STAG1: variants seen among roughly 807,000 people sequenced by gnomAD.
STAG1 encodes cohesin subunit SA-1.
A neutral mutation model predicts 170.9 loss-of-function variants in STAG1; 26 were observed. The observed-to-expected ratio is 0.15, with a 90% CI of 0.11 to 0.21. The LOEUF (loss-of-function observed/expected upper bound fraction) is 0.21, where lower values mean the gene tolerates loss of function less well. Ranked by LOEUF, STAG1 falls within the 10% of genes least tolerant of loss-of-function variation. STAG1 has a pLI of 1.00. For missense variants in STAG1, 964 were observed against 1,509.5 expected (o/e 0.64, Z 5.99); for synonymous variants, 514 against 497.7 (o/e 1.03, Z -0.44).
At chr3:136,654,487 A>C (rs1941311793) in intron 1 of STAG1, among the ~76,000 whole-genome samples, 1 of 152,234 alleles carries the variant, frequency 6.6e-6, no homozygotes, top group African/African-American at 2.4e-5. Context: ...AATTAAAGAC[A>C]CAAATAAGTA....
intron 6 of STAG1, among the ~76,000 whole-genome samples, 162 bp downstream of exon 6, chr3:136,541,957 G>C (rs1935925214): frequency 6.6e-6 from 1 of 152,008 alleles, no homozygotes; most frequent in Non-Finnish European, 1.5e-5. Context: ...AATCTCCAAA[G>C]ATCATTAATT....
chr3:136,538,413 CTT>C (rs772305467), intron 6 of STAG1, among the ~76,000 whole-genome samples: 1 of 139,046 alleles, frequency 7.2e-6, no homozygotes, highest in Non-Finnish European at 1.6e-5. Flanking sequence ...CATATAGTTA[CTT>C]TTTTTTTTTT....
At chr3:136,652,492 A>G (rs1941251131) in intron 1 of STAG1, among the ~76,000 whole-genome samples, 1 of 152,366 alleles carries the variant, frequency 6.6e-6, no homozygotes, top group Non-Finnish European at 1.5e-5. Context: ...CATAAAGTTC[A>G]GAACACTACA....
At chr3:136,506,956 T>C (rs1411608853) in intron 7 of STAG1, among the ~76,000 whole-genome samples, 1 of 152,218 alleles carries the variant, frequency 6.6e-6, no homozygotes, top group East Asian at 1.9e-4. Context: ...ACAGTGTGTA[T>C]ATGCTATCAT....
intron 12 of STAG1, among the ~76,000 whole-genome samples, chr3:136,465,620 C>A (rs1289221392): frequency 1.5e-5 from 2 of 137,086 alleles, no homozygotes; most frequent in Admixed American, 1.5e-4. Flanking sequence ...AAATTGTTTG[C>A]AGGTTATATA....
intron 5 of STAG1, among the ~76,000 whole-genome samples, chr3:136,563,641 T>G (rs1344000873): frequency 6.8e-6 from 1 of 146,664 alleles, no homozygotes; most frequent in African/African-American, 2.5e-5. Flanking sequence ...ATTCCCTTCT[T>G]TCTTACAAAA....
intron 22 of STAG1, among the ~76,000 whole-genome samples, chr3:136,395,915 CAA>C (rs900912138): frequency 6.6e-6 from 1 of 151,898 alleles, no homozygotes; most frequent in Admixed American, 6.6e-5. Context: ...AATAACATTT[CAA>C]AAAAAGACAA....
At chr3:136,670,931 T>C (rs889156976) in intron 1 of STAG1, among the ~76,000 whole-genome samples, 6 of 152,196 alleles carry the variant, frequency 3.9e-5, no homozygotes, top group Non-Finnish European at 7.3e-5. Flanking sequence ...CATCTGTATA[T>C]GCCAGAAATT....
chr3:136,406,870 T>A (rs1345186981), intron 21 of STAG1, among the ~76,000 whole-genome samples: 1 of 152,182 alleles, frequency 6.6e-6, no homozygotes, highest in East Asian at 1.9e-4. Context: ...AAAGAATGGA[T>A]ACGAAGCAGG....
At chr3:136,364,045 C>T (rs1460376317) in intron 25 of STAG1, among the ~76,000 whole-genome samples, 1 of 151,998 alleles carries the variant, frequency 6.6e-6, no homozygotes, top group Non-Finnish European at 1.5e-5. Flanking sequence ...CAGGCGTGAG[C>T]CACTGCACCT....
At chr3:136,478,643 G>C (rs1028883092) in intron 9 of STAG1, among the ~76,000 whole-genome samples, 1 of 151,992 alleles carries the variant, frequency 6.6e-6, no homozygotes, top group Non-Finnish European at 1.5e-5. Context: ...TTTCTCTTTG[G>C]TGACAAAATT....
At chr3:136,742,546 C>T (rs1934722034) in intron 1 of STAG1, among the ~76,000 whole-genome samples, 1 of 151,740 alleles carries the variant, frequency 6.6e-6, no homozygotes, top group Admixed American at 6.6e-5. Context: ...AACCCCGTCT[C>T]CACTAAAAAA....
chr3:136,588,909 C>T (rs1184041347), intron 4 of STAG1, among the ~76,000 whole-genome samples: 2 of 152,126 alleles, frequency 1.3e-5, no homozygotes, highest in Non-Finnish European at 2.9e-5. Context: ...ACTACAGGCA[C>T]GTGTCACCAC....
rs62857261 is a variant in STAG1 at position 136,619,756 on chromosome 3, C to CAAAAA, written c.132+3385_132+3389dup. On this transcript the variant is annotated intron_variant, in intron 3 of 33. Transcript: ENST00000383202. ...TACGCAACAGCGCGAGACTCTGTCTCAAAAAAAAAAAAAAAAAAAAAAAGG... is the reference window on the plus strand; with the variant it reads ...TACGCAACAGCGCGAGACTCTGTCTCAAAAAAAAAAAAAAAAAAAAAAAAAAAAGG... Among the ~76,000 whole-genome samples, 26 of 67,730 alleles carry CAAAAA rather than the reference C, an allele frequency of 3.8e-4. 1 individual carries two copies. Among genetic ancestry groups the CAAAAA allele is most frequent in the South Asian group, 6.4e-4 (1 of 1,574 alleles). The allele number at this position is 67,730 out of a possible 152,430, so 44.4% of individuals were successfully genotyped here. A position where few individuals can be genotyped will look rare whatever the true frequency, so the allele number is the denominator to read the frequency against.
chr3:136,541,103 C>T (rs974612942), intron 6 of STAG1, among the ~76,000 whole-genome samples: 2 of 151,908 alleles, frequency 1.3e-5, no homozygotes, highest in Non-Finnish European at 2.9e-5. Flanking sequence ...TCCCAATACC[C>T]GGGTCACACA....
At chr3:136,459,347 C>T (rs1339166850) in intron 13 of STAG1, among the ~76,000 whole-genome samples, 1 of 151,584 alleles carries the variant, frequency 6.6e-6, no homozygotes, top group African/African-American at 2.4e-5. Flanking sequence ...CAATATTGAA[C>T]CTCACAAATA....
intron 3 of STAG1, chr3:136,609,717 A>C (rs1576663586): frequency 5.9e-6 from 1 of 170,570 alleles, no homozygotes; most frequent in African/African-American, 2.4e-5. Context: ...AAACATTTTT[A>C]AGAAGAAGGG....
chr3:136,435,758 C>T (rs758676281), intron 15 of STAG1, among the ~76,000 whole-genome samples: 4 of 152,096 alleles, frequency 2.6e-5, no homozygotes, highest in East Asian at 1.9e-4. Context: ...CAACCTCTGC[C>T]GCCCAGGTTC....
chr3:136,492,593 G>A (rs1392126994), intron 9 of STAG1, among the ~76,000 whole-genome samples: 1 of 152,170 alleles, frequency 6.6e-6, no homozygotes, highest in Non-Finnish European at 1.5e-5. Flanking sequence ...GAGCAGAATG[G>A]TAATCTCTGA....
Sources: allele counts gnomAD v4.1 joint callset (sites outside exome capture counted in the v4.1 genomes callset), GRCh38; gene constraint gnomAD v4.1.1; transcripts MANE v1.5; gene names NCBI Gene and HGNC (gene_info 2026-07-23, HGNC 2026-07-21).